MLLT6: variants seen among roughly 807,000 people sequenced by gnomAD.
MLLT6 encodes protein AF-17.
Under a neutral mutation model 103.0 loss-of-function variants are expected in MLLT6, and 22 were observed. The observed-to-expected ratio is 0.21, with a 90% confidence interval of 0.15 to 0.31. MLLT6 has a LOEUF of 0.31. Among genes scored for constraint, MLLT6 ranks in the 10% least tolerant of loss-of-function variants. The pLI is 1.00. For synonymous variants in MLLT6, 606 were observed against 623.5 expected, an observed-to-expected ratio of 0.97 and a Z score of 0.42; for missense variants, 1,199 against 1,441.7, an observed-to-expected ratio of 0.83 and a Z score of 2.73.
rs995335742 is a variant in MLLT6 at position 38,706,848 on chromosome 17, G to A, written c.110-102G>A. The A allele has an allele frequency of 3.2e-6, 3 of 932,688 alleles. No individual in the cohort carries two copies. The African/African-American group carries it at 5.0e-5, about 16-fold the overall frequency. 57.8% of individuals were successfully genotyped at this position (932,688 alleles called of 1,614,324 possible). ...GACTGGGGAGCAGCCCCCACTGCTG[G>A]AACTGGCTCTAGTCCTTTGGAGTCA... On this transcript the variant is annotated intron_variant, in intron 1 of 19. Transcript: ENST00000621332.
rs569370388 is a variant in MLLT6, at chr17:38,715,840, C to A, written c.1036+12C>A. ...CTTCCAGCCTGCAGGTGAGTGTGGG[C>A]ATCCGGGAGGAAGCTGGGAGCAGGG... On this transcript the variant is annotated intron_variant, in intron 9 of 19. Coordinates refer to ENST00000621332, the MANE Select transcript of MLLT6 (RefSeq NM_005937.4). The A allele has an allele frequency of 1.5e-4, 241 of 1,575,424 alleles. 1 individual carries two copies. In the South Asian group the frequency reaches 2.6e-3, roughly 17 times the overall value.
chr17:38,725,873 C>A lies in MLLT6; in HGVS notation c.*275C>A, dbSNP rs1906001132. 1 of 463,298 alleles carries A rather than the reference C, an allele frequency of 2.2e-6. No homozygotes were observed. Among genetic ancestry groups the A allele is most frequent in the Non-Finnish European group, 3.8e-6 (1 of 265,860 alleles). 28.7% of individuals were successfully genotyped at this position (463,298 alleles called of 1,614,324 possible). A position where few individuals can be genotyped will look rare whatever the true frequency, so the allele number is the denominator to read the frequency against. ...GCCCGCCTAGGAGGTCCATCCCCAG[C>A]AAATGTTTTGGAGGTCCCCCCAGAG... On this transcript the variant is annotated 3_prime_UTR_variant, in exon 20 of 20. Coordinates refer to ENST00000621332, the MANE Select transcript of MLLT6 (RefSeq NM_005937.4).
intron 6 of MLLT6, among the ~76,000 whole-genome samples, chr17:38,710,323 G>A (rs1905102576): frequency 1.3e-5 from 2 of 152,162 alleles, no homozygotes; most frequent in South Asian, 4.2e-4. Flanking sequence ...GTCTGTGTTT[G>A]TGGAGAGACG....
intron 8 of MLLT6, chr17:38,714,896 T>A (rs574726678): frequency 6.6e-6 from 1 of 152,426 alleles, no homozygotes; most frequent in Admixed American, 6.5e-5. Context: ...ACAGAACATT[T>A]CAGTGCAGAG....
Position 38,729,555 on chromosome 17 carries a change from T to C in MLLT6, c.*3957T>C, listed in dbSNP as rs1196888218. On this transcript the variant is annotated 3_prime_UTR_variant, in exon 20 of 20. Coordinates refer to ENST00000621332, the MANE Select transcript of MLLT6 (RefSeq NM_005937.4). ...CAACCTGTTTCCATGTAGCAGACCC[T>C]TCCTAGGGAGCAGGGAGGGGAAGCC... 3 of 232,738 alleles carry C rather than the reference T, an allele frequency of 1.3e-5. No individual in the cohort carries two copies. Among genetic ancestry groups the C allele is most frequent in the African/African-American group, 6.6e-5 (3 of 45,238 alleles). 14.4% of individuals were successfully genotyped at this position (232,738 alleles called of 1,614,324 possible).
In MLLT6 at chr17:38,726,598, G is replaced by A. The variant is rs1200865610; in HGVS notation, c.*1000G>A. On this transcript the variant is annotated 3_prime_UTR_variant, in exon 20 of 20. Transcript: ENST00000621332. ...AGCAGTACTCCAATATTGGAGAGTC[G>A]CTGGGGGCACAGGGCTTTGAATCAG... The A allele has an allele frequency of 1.7e-5, 4 of 233,704 alleles. No individual in the cohort carries two copies. The highest frequency in any genetic ancestry group is 1.2e-4 in the East Asian group (2 of 16,580). 14.5% of individuals were successfully genotyped at this position (233,704 alleles called of 1,614,324 possible). A position where few individuals can be genotyped will look rare whatever the true frequency, so the allele number is the denominator to read the frequency against.
At chr17:38,722,634 T>TGGGGGGGGGGGTGTGG in intron 17 of MLLT6, 44 bp from the exon 18 acceptor site, 1 of 532,160 alleles carries the variant, frequency 1.9e-6, no homozygotes, top group Non-Finnish European at 3.6e-6. Flanking sequence ...CCCTCCCCCA[T>TGGGGGGGGGGGTGTGG]GGTCTGTGTG....
At chr17:38,712,834 T>A in intron 8 of MLLT6, 45 bp downstream of exon 8, 1 of 1,460,032 alleles carries the variant, frequency 6.8e-7, no homozygotes, top group Non-Finnish European at 9.6e-7. Context: ...GGGTCTGGGG[T>A]GGCAGAGGGA....
At position 38,712,781 on chromosome 17, in the gene MLLT6, G is replaced by A. The variant is rs769825643; in HGVS notation, c.811G>A (p.Ala271Thr). ...SILTPPVVPT[A>T]DKVSSSASSS... ...CCTCACCCCGCCCGTGGTCCCCACT[G>A]CTGACAAGGTACTGCTGCCCACCTT... is the stretch of plus-strand genomic sequence containing the variant. The change falls in exon 8 of 20, where the codon GCT becomes ACT. Residue 271 changes from alanine to threonine, a missense_variant. By Grantham distance (58) the Ala-to-Thr change is moderately conservative. Transcript: ENST00000621332. 6.2e-6 allele frequency: 10 copies of A among 1,612,288 alleles called. No homozygotes were observed. Among genetic ancestry groups the A allele is most frequent in the Non-Finnish European group, 8.5e-6 (10 of 1,178,488 alleles).
At chr17:38,710,272 T>G (rs747563543) in intron 6 of MLLT6, among the ~76,000 whole-genome samples, 24 of 152,274 alleles carry the variant, frequency 1.6e-4, no homozygotes, top group Admixed American at 3.9e-4. Flanking sequence ...TGCCCCAGGC[T>G]TCAGGGGTCC....
chr17:38,711,711 G>A, intron 6 of MLLT6, 136 bp from the exon 7 acceptor site: 5 of 1,097,982 alleles, frequency 4.6e-6, no homozygotes, highest in Non-Finnish European at 3.8e-6. Flanking sequence ...GAGCATCATA[G>A]AGGACATGAG....
At chr17:38,712,282 C>T (rs900280268) in intron 7 of MLLT6, among the ~76,000 whole-genome samples, 5 of 152,172 alleles carry the variant, frequency 3.3e-5, no homozygotes, top group Non-Finnish European at 5.9e-5. Flanking sequence ...TGGCTCTGCA[C>T]GTTGCACACG....
chr17:38,724,564 A>C lies in MLLT6; in HGVS notation c.2884-56A>C. ...GCCTGGCCAGGCAGGGCAGGCAGGC[A>C]GCAGGGAAGAGACCCCCGGGACTGT... On this transcript the variant is annotated intron_variant, in intron 18 of 19. Coordinates refer to ENST00000621332, the MANE Select transcript of MLLT6 (RefSeq NM_005937.4). This position sits in a 1 kb window ranked among gnomAD's most constrained non-coding sequence, Gnocchi z 5.4. 7.2e-7 allele frequency: 1 copy of C among 1,395,366 alleles called. No individual in the cohort carries two copies. Among genetic ancestry groups the C allele is most frequent in the Non-Finnish European group, 9.7e-7 (1 of 1,026,878 alleles). The allele number at this position is 1,395,366 out of a possible 1,614,324, so 86.4% of individuals were successfully genotyped here. A position where few individuals can be genotyped will look rare whatever the true frequency, so the allele number is the denominator to read the frequency against.
rs765694334 is a variant in MLLT6 at position 38,716,610 on chromosome 17, A to G, written c.1280A>G (p.Tyr427Cys). 7 of 1,613,878 alleles carry G rather than the reference A, an allele frequency of 4.3e-6. 1 individual carries two copies. The highest frequency in any genetic ancestry group is 3.3e-5 in the Admixed American group (2 of 60,030). The change falls in exon 10 of 20, where the codon TAT (tyrosine) becomes TGT (cysteine). Residue 427 changes from tyrosine (Y) to cysteine (C), a missense_variant. Physicochemically the swap from Tyr to Cys is radical, Grantham distance 194. Around this residue, in one of 7 missense-constraint regions of MLLT6, gnomAD observed 1,034 missense variants for 1,091.5 expected, o/e 0.95. Coordinates refer to ENST00000621332, the MANE Select transcript of MLLT6 (RefSeq NM_005937.4). This position sits in a 1 kb window ranked among gnomAD's most constrained non-coding sequence, Gnocchi z 5.6. Reference sequence around the variant, plus strand: ...GCCCGGGCGCCCTCCCCTGGGGACTATAAGTCTCCCCACGTCACGGGGTCT... The same window carrying G: ...GCCCGGGCGCCCTCCCCTGGGGACTGTAAGTCTCCCCACGTCACGGGGTCT... ...GRARAPSPGD[Y>C]KSPHVTGSGA...
Position 38,716,392 on chromosome 17 carries a change from C to T in MLLT6, c.1062C>T (p.Asp354=), listed in dbSNP as rs756963746. 1 of 1,613,398 alleles carries T rather than the reference C, an allele frequency of 6.2e-7. No homozygotes were observed. Among genetic ancestry groups the T allele is most frequent in the Non-Finnish European group, 8.5e-7 (1 of 1,179,720 alleles). ...TCTCGTCCCTGCAGAGCTCCCCTGACTTCTCTGCATTCCCCAAGCTGGAGC... is the reference window on the plus strand; with the variant it reads ...TCTCGTCCCTGCAGAGCTCCCCTGATTTCTCTGCATTCCCCAAGCTGGAGC... ...PAVSSLQSSP[D]FSAFPKLEQP... is the part of the protein sequence containing the mutation. The change falls in exon 10 of 20, where the codon GAC becomes GAT. Residue 354 remains aspartate, a synonymous_variant. Transcript: ENST00000621332. This position sits in a 1 kb window ranked among gnomAD's most constrained non-coding sequence, Gnocchi z 5.6.
intron 4 of MLLT6, chr17:38,708,168 C>G (rs573403632): frequency 2.2e-6 from 1 of 445,236 alleles, no homozygotes; most frequent in African/African-American, 2.0e-5. Flanking sequence ...TGTGCCAGAC[C>G]TGGTGCAAGG....
intron 16 of MLLT6, 166 bp downstream of exon 16, chr17:38,720,913 C>A: frequency 1.5e-6 from 1 of 661,248 alleles, no homozygotes; most frequent in Non-Finnish European, 2.6e-6. Flanking sequence ...GAGGTGCCCA[C>A]TTAGTGCCAG....
intron 6 of MLLT6, among the ~76,000 whole-genome samples, chr17:38,710,228 A>C (rs2143670781): frequency 6.6e-6 from 1 of 152,254 alleles, no homozygotes; most frequent in East Asian, 1.9e-4. Flanking sequence ...CAGGAGATGA[A>C]GTGAGAAAGC....
In MLLT6 at chr17:38,720,556, C is replaced by T. The variant is rs775573877; in HGVS notation, c.2340C>T (p.Gly780=). Residue 780 remains glycine, a synonymous_variant, in exon 15 of 20, where the codon GGC becomes GGT. Coordinates refer to ENST00000621332, the MANE Select transcript of MLLT6 (RefSeq NM_005937.4). ...ACGGCCCTGTCCCTGGGCCCTATGG[C>T]CTGCCTCCCCAAGGTGAGGGGATCC... The part of the protein sequence containing the change: ...AANGPVPGPY[G]LPPQAGSSDS... 7 of 1,612,014 alleles carry T rather than the reference C, an allele frequency of 4.3e-6. No homozygotes were observed. The highest frequency in any genetic ancestry group is 5.1e-6 in the Non-Finnish European group (6 of 1,179,564).
Sources: allele counts gnomAD v4.1 joint callset (sites outside exome capture counted in the v4.1 genomes callset), GRCh38; gene constraint gnomAD v4.1.1; regional missense constraint gnomAD v4.1.1; non-coding constraint Gnocchi (gnomAD v3.1); transcripts MANE v1.5; gene names NCBI Gene and HGNC (gene_info 2026-07-23, HGNC 2026-07-21).